DNHD1: variants seen among roughly 807,000 people sequenced by gnomAD.
DNHD1 encodes dynein heavy chain domain 1.
A neutral mutation model predicts 458.1 loss-of-function variants in DNHD1; 383 were observed. The observed-to-expected ratio is 0.84, with a 90% CI of 0.77 to 0.91. DNHD1 has a LOEUF of 0.91. Ranked by LOEUF, DNHD1 falls within the 40% of genes least tolerant of loss-of-function variation. The probability of loss-of-function intolerance (pLI) is 0.00; values close to 1 mark genes in which losing one functional copy is unlikely to be tolerated. For missense variants in DNHD1, 5,336 were observed against 5,866.1 expected, an observed-to-expected ratio of 0.91 and a Z score of 2.95; for synonymous variants, 2,203 against 2,376.9, an observed-to-expected ratio of 0.93 and a Z score of 2.13.
chr11:6,564,217 C>G (rs920067469), intron 31 of DNHD1, 93 bp downstream of exon 31: 1 of 1,462,250 alleles, frequency 6.8e-7, no homozygotes, highest in Non-Finnish European at 9.2e-7. Flanking sequence ...CTCTGTCCCT[C>G]TCTGCACTCC....
At chr11:6,556,636 C>A in intron 24 of DNHD1, 47 bp from the exon 25 acceptor site, 1 of 1,476,392 alleles carries the variant, frequency 6.8e-7, no homozygotes, top group South Asian at 1.3e-5. Context: ...TTGATACTCT[C>A]ATGTGGACTT....
intron 4 of DNHD1, 148 bp downstream of exon 4, chr11:6,503,074 C>G: frequency 9.6e-6 from 8 of 834,320 alleles, no homozygotes; most frequent in Non-Finnish European, 1.1e-5. Context: ...CTCTCTCTTC[C>G]CTTCTCCTCA....
intron 14 of DNHD1, among the ~76,000 whole-genome samples, chr11:6,536,948 TCAGAG>T (rs1181535033): frequency 6.6e-6 from 1 of 152,226 alleles, no homozygotes; most frequent in Non-Finnish European, 1.5e-5. Flanking sequence ...TTTTGTCAGA[TCAGAG>T]CTTTGATAGC....
intron 12 of DNHD1, among the ~76,000 whole-genome samples, chr11:6,530,093 C>G (rs191832618): frequency 5.2e-4 from 79 of 152,302 alleles, no homozygotes; most frequent in Admixed American, 2.3e-3. Context: ...ATCCGCCCCT[C>G]TTTTTACTAC....
intron 7 of DNHD1, among the ~76,000 whole-genome samples, chr11:6,517,390 C>T (rs1473920797): frequency 6.6e-6 from 1 of 152,174 alleles, no homozygotes; most frequent in Non-Finnish European, 1.5e-5. Flanking sequence ...GAAATGAAAT[C>T]AGTATCTCAA....
At chr11:6,534,996 C>T (rs1455592122) in intron 14 of DNHD1, among the ~76,000 whole-genome samples, 1 of 152,210 alleles carries the variant, frequency 6.6e-6, no homozygotes, top group Non-Finnish European at 1.5e-5. Context: ...GTCCTTCTGC[C>T]ACAGCCTCCC....
At chr11:6,554,195 A>T (rs766294971) in intron 24 of DNHD1, among the ~76,000 whole-genome samples, 7 of 152,186 alleles carry the variant, frequency 4.6e-5, no homozygotes, top group African/African-American at 7.2e-5. Context: ...TGGCCAGTTG[A>T]TTTTTAATAA....
intron 14 of DNHD1, among the ~76,000 whole-genome samples, chr11:6,534,395 T>C (rs1694832134): frequency 6.6e-6 from 1 of 151,934 alleles, no homozygotes; most frequent in African/African-American, 2.4e-5. Flanking sequence ...GGGCTCACAG[T>C]CTGGTAAGGA....
chr11:6,551,728 G>T (rs1016547850), intron 24 of DNHD1, among the ~76,000 whole-genome samples: 1 of 152,144 alleles, frequency 6.6e-6, no homozygotes, highest in African/African-American at 2.4e-5. Context: ...AGATCACGAG[G>T]TCAGGAGATG....
rs764197834 is a variant in DNHD1 at position 6,571,727 on chromosome 11, G to A, written c.14003G>A (p.Gly4668Glu). The change falls in exon 43 of 43, where the codon GGA becomes GAA. Residue 4668 changes from glycine (G) to glutamate (E), a missense_variant. Physicochemically the swap from Gly to Glu is moderately conservative, Grantham distance 98. Transcript: ENST00000254579. This position sits in a 1 kb window ranked among gnomAD's most constrained non-coding sequence, Gnocchi z 5.0. The part of the protein sequence containing the change: ...VLHAEWDPIA[G>E]ALQDSPSSQP... The stretch of plus-strand genomic sequence containing the variant: ...CATGCGGAGTGGGACCCAATAGCTG[G>A]AGCCTTGCAGGACAGTCCTTCCAGC... 1.9e-6 allele frequency: 3 copies of A among 1,612,588 alleles called. No homozygotes were observed. The highest frequency in any genetic ancestry group is 1.7e-5 in the Admixed American group (1 of 59,744).
chr11:6,547,721 G>T lies in DNHD1; in HGVS notation c.6727+55G>T, dbSNP rs968639763. ...AGATGGGGCCTTAAGGGTAGCTGGGGTATATAGCTGGAGCCTGGGGCGTGT... is the reference window on the plus strand; with the variant it reads ...AGATGGGGCCTTAAGGGTAGCTGGGTTATATAGCTGGAGCCTGGGGCGTGT... On this transcript the variant is annotated intron_variant, in intron 21 of 42. Coordinates refer to ENST00000254579, the MANE Select transcript of DNHD1 (RefSeq NM_144666.3). The T allele has an allele frequency of 1.1e-5, 17 of 1,485,858 alleles. No individual in the cohort carries two copies. In the Admixed American group the frequency reaches 2.4e-4, roughly 21 times the overall value. 92.0% of individuals were successfully genotyped at this position (1,485,858 alleles called of 1,614,324 possible).
intron 6 of DNHD1, 121 bp downstream of exon 6, chr11:6,509,393 C>T: frequency 1.2e-6 from 1 of 801,234 alleles, no homozygotes; most frequent in Non-Finnish European, 1.9e-6. Context: ...AACCTTTAAT[C>T]CTACCAACCA....
At position 6,511,856 on chromosome 11, in the gene DNHD1, C is replaced by A. The variant is rs569603698; in HGVS notation, c.1392+427C>A. ...AATGATGGAGTCCTTCTTAATTATG[C>A]ATATGTTGCATCTGTGATGCACAAC... On this transcript the variant is annotated intron_variant, in intron 7 of 42. Coordinates refer to ENST00000254579, the MANE Select transcript of DNHD1 (RefSeq NM_144666.3). Among the ~76,000 whole-genome samples the A allele has an allele frequency of 9.9e-5, 15 of 152,274 alleles. No homozygotes were observed. In the South Asian group the frequency reaches 2.1e-3, roughly 21 times the overall value.
At chr11:6,514,005 G>C (rs112527380) in intron 7 of DNHD1, among the ~76,000 whole-genome samples, 1 of 151,946 alleles carries the variant, frequency 6.6e-6, no homozygotes, top group African/African-American at 2.4e-5. Context: ...CACCACGCCC[G>C]ACTAATTTTT....
At chr11:6,499,023 C>T (rs1176629373) in intron 3 of DNHD1, 62 bp downstream of exon 3, 1 of 1,502,206 alleles carries the variant, frequency 6.7e-7, no homozygotes, top group Non-Finnish European at 8.9e-7. Flanking sequence ...TTTATGGGTG[C>T]CTCTGGGGTC....
In DNHD1 at chr11:6,564,672, C is replaced by T. The variant is rs544185938; in HGVS notation, c.10624C>T (p.Arg3542Ter). The change falls in exon 32 of 43, where the codon CGA (arginine) becomes TGA (stop). Residue 3542 changes from arginine to a stop codon, truncating the protein, a stop_gained. Coordinates refer to ENST00000254579, the MANE Select transcript of DNHD1 (RefSeq NM_144666.3). LOFTEE classifies it high-confidence loss of function. ...KSAHLAGLLL[R>*]SPTHYSSCRW... ...GGCCCACCTGGCAGGCTTGCTTCTG[C>T]GAAGCCCCACACACTACAGTAGTTG... 238 of 1,551,718 alleles carry T rather than the reference C, an allele frequency of 1.5e-4. 4 individuals carry two copies. The South Asian group carries it at 2.1e-3, about 13-fold the overall frequency.
chr11:6,545,733 C>A lies in DNHD1; in HGVS notation c.4794C>A (p.Asp1598Glu), dbSNP rs1853198279. The A allele has an allele frequency of 1.3e-6, 2 of 1,551,594 alleles. No individual in the cohort carries two copies. The highest frequency in any genetic ancestry group is 2.7e-5 in the African/African-American group (2 of 73,062). The part of the protein sequence containing the change: ...LEQHQVSDLT[D>E]FHWVRQLKYH... ...AGCACCAGGTCAGTGATCTCACAGA[C>A]TTTCACTGGGTCCGCCAACTCAAGT... The change falls in exon 21 of 43, where the codon GAC (aspartate) becomes GAA (glutamate). Residue 1598 changes from aspartate to glutamate, a missense_variant. Asp to Glu is a conservative substitution (Grantham distance 45, BLOSUM62 2). Transcript: ENST00000254579. This position sits in a 1 kb window ranked among gnomAD's most constrained non-coding sequence, Gnocchi z 4.9.
chr11:6,542,930 C>G (rs1853129213), intron 18 of DNHD1, among the ~76,000 whole-genome samples: 1 of 152,164 alleles, frequency 6.6e-6, no homozygotes, highest in Non-Finnish European at 1.5e-5. Context: ...TAATCTTCCC[C>G]CAATTAATTG....
chr11:6,528,395 C>T, intron 10 of DNHD1, 127 bp from the exon 11 acceptor site: 1 of 1,054,064 alleles, frequency 9.5e-7, no homozygotes, highest in Non-Finnish European at 1.3e-6. Flanking sequence ...CACTCATGAG[C>T]AGCGAATGGG....
Sources: gnomAD v4.1 joint callset for allele counts (sites outside exome capture counted in the v4.1 genomes callset) on GRCh38, gnomAD v4.1.1 for gene constraint, Gnocchi (gnomAD v3.1) non-coding constraint, MANE v1.5 for transcripts, NCBI Gene and HGNC (gene_info 2026-07-23, HGNC 2026-07-21) for gene names.